TRPM1: variants seen among roughly 807,000 people sequenced by gnomAD.
TRPM1 encodes the protein transient receptor potential cation channel subfamily M member 1.
TRPM1 carries 113 observed loss-of-function variants against 149.4 expected under a neutral mutation model. The ratio of observed to expected loss-of-function variants is 0.76; its 90% CI spans 0.65 to 0.88. The LOEUF (loss-of-function observed/expected upper bound fraction) is 0.88, where lower values mean the gene tolerates loss of function less well. Among genes scored for constraint, TRPM1 ranks in the 40% least tolerant of loss-of-function variants. The probability of loss-of-function intolerance (pLI) is 0.00; values close to 1 mark genes in which losing one functional copy is unlikely to be tolerated. For missense variants in TRPM1, 1,976 were observed against 2,038.7 expected (o/e 0.97, Z 0.59); for synonymous variants, 741 against 759.5 (o/e 0.98, Z 0.40).
intron 1 of TRPM1, among the ~76,000 whole-genome samples, chr15:31,123,522 T>C (rs2141035795): frequency 6.6e-6 from 1 of 152,240 alleles, no homozygotes; most frequent in South Asian, 2.1e-4. Flanking sequence ...GGCAAAAGAT[T>C]TGGACACCTC....
chr15:31,105,456 TGTGTGTGTGTGTGTGTGCGCGC>T (rs1361942646), upstream of TRPM1, among the ~76,000 whole-genome samples: 1 of 47,946 alleles, frequency 2.1e-5, no homozygotes, highest in Admixed American at 1.8e-4. Context: ...TGTGTGTGTG[TGTGTGTGTGTGTGTGTGCGCGC>T]GCGCGCGCGT....
Position 31,041,312 on chromosome 15 carries a change from G to A in TRPM1, c.2087+639C>T, listed in dbSNP as rs140718829. 9.2e-5 allele frequency among the ~76,000 whole-genome samples: 14 copies of A among 152,176 alleles called. No individual in the cohort carries two copies. The East Asian group carries it at 2.7e-3, about 29-fold the overall frequency. On this transcript the variant is annotated intron_variant, in intron 17 of 27. Transcript: ENST00000256552. Reference sequence around the variant, plus strand: ...TGGGACTACAGGCGCCCGCCACTACGCCGGGCTAAAATATATTTTAGTAGA... The same window carrying A: ...TGGGACTACAGGCGCCCGCCACTACACCGGGCTAAAATATATTTTAGTAGA...
At chr15:31,050,301 C>A in intron 12 of TRPM1, 108 bp downstream of exon 12, 1 of 1,530,358 alleles carries the variant, frequency 6.5e-7, no homozygotes, top group Non-Finnish European at 9.0e-7. Flanking sequence ...CTTTACCCGT[C>A]CCTCCTGGGA....
At chr15:31,032,334 G>A (rs952019122) in intron 22 of TRPM1, among the ~76,000 whole-genome samples, 10 of 152,002 alleles carry the variant, frequency 6.6e-5, no homozygotes, top group Admixed American at 1.3e-4. Context: ...TTGAGATATG[G>A]TATGGAAGAA....
intron 27 of TRPM1, among the ~76,000 whole-genome samples, chr15:31,022,767 C>CA (rs1397495622): frequency 4.6e-5 from 7 of 152,024 alleles, no homozygotes; most frequent in Non-Finnish European, 1.0e-4. Context: ...TCCATTCGTT[C>CA]AAAAAAATCT....
In TRPM1 at chr15:31,158,971, C is replaced by T. The variant is rs1056221285; in HGVS notation, c.54+1935G>A. Among the ~76,000 whole-genome samples, 48 of 152,044 alleles carry T rather than the reference C, an allele frequency of 3.2e-4. 1 individual carries two copies. ...GTAAACATCTAGAGACGAGGAATGCCTAACTTTCTGAGAATGCAGCCCAGC... is the reference window on the plus strand; with the variant it reads ...GTAAACATCTAGAGACGAGGAATGCTTAACTTTCTGAGAATGCAGCCCAGC... On this transcript the variant is annotated intron_variant, in intron 1 of 26. Transcript: ENST00000542188.
chr15:31,061,077 G>A (rs60378025), intron 10 of TRPM1, among the ~76,000 whole-genome samples: 66 of 152,332 alleles, frequency 4.3e-4, no homozygotes, highest in African/African-American at 1.6e-3. Flanking sequence ...GGCCATGAAC[G>A]CTGGCCTGAA....
chr15:31,150,892 A>T (rs1161232021), intron 1 of TRPM1, among the ~76,000 whole-genome samples: 1 of 152,168 alleles, frequency 6.6e-6, no homozygotes, highest in Non-Finnish European at 1.5e-5. Flanking sequence ...CCCCTGACAC[A>T]TGCGCAGTAA....
intron 1 of TRPM1, among the ~76,000 whole-genome samples, chr15:31,140,378 A>T (rs1048339626): frequency 1.0e-5 from 1 of 99,666 alleles, no homozygotes; most frequent in Non-Finnish European, 2.1e-5. Flanking sequence ...GAATCCGTCT[A>T]AAAAAAAAAA....
intron 3 of TRPM1, among the ~76,000 whole-genome samples, chr15:31,072,047 A>AGG (rs2140970893): frequency 2.2e-5 from 3 of 138,680 alleles, no homozygotes; most frequent in South Asian, 4.5e-4. Flanking sequence ...AGAGAGAGAG[A>AGG]GAGATTAAAT....
chr15:31,007,024 G>T (rs181039139), intron 27 of TRPM1, among the ~76,000 whole-genome samples: 2 of 152,146 alleles, frequency 1.3e-5, no homozygotes, highest in African/African-American at 4.8e-5. Flanking sequence ...AAAGTCTTTT[G>T]TCAGATATAT....
intron 1 of TRPM1, among the ~76,000 whole-genome samples, chr15:31,091,832 A>AC (rs2058859490): frequency 6.6e-6 from 1 of 152,174 alleles, no homozygotes; most frequent in South Asian, 2.1e-4. Context: ...TTATGGGAAA[A>AC]CAAAACAAAA....
chr15:31,154,714 G>C (rs529705052), intron 1 of TRPM1, among the ~76,000 whole-genome samples: 1 of 152,164 alleles, frequency 6.6e-6, no homozygotes, highest in Non-Finnish European at 1.5e-5. Context: ...GAGGCTACAA[G>C]ATTCTGACCC....
At chr15:31,014,827 T>C (rs1446852204) in intron 27 of TRPM1, among the ~76,000 whole-genome samples, 2 of 152,146 alleles carry the variant, frequency 1.3e-5, no homozygotes, top group Non-Finnish European at 2.9e-5. Flanking sequence ...CCTCTCACTA[T>C]CTCCCTGATA....
intron 27 of TRPM1, among the ~76,000 whole-genome samples, 187 bp from the exon 28 acceptor site, chr15:31,003,257 A>C (rs1435816971): frequency 2.0e-5 from 3 of 152,236 alleles, no homozygotes. Flanking sequence ...CCAGAAAATA[A>C]TGGAAATAAA....
intron 1 of TRPM1, among the ~76,000 whole-genome samples, chr15:31,134,756 C>T (rs11853276): frequency 0.29 from 44,538 of 152,172 alleles, 6,621 homozygotes; most frequent in South Asian, 0.32. Context: ...AATCCCAGCA[C>T]TTTGGGAGGC....
At chr15:31,078,087 G>A (rs531406697) in intron 2 of TRPM1, among the ~76,000 whole-genome samples, 2 of 152,240 alleles carry the variant, frequency 1.3e-5, no homozygotes, top group South Asian at 2.1e-4. Context: ...CATGGCCGGC[G>A]GGAGCCTTGT....
intron 14 of TRPM1, 130 bp from the exon 15 acceptor site, chr15:31,047,381 G>A (rs1169273718): frequency 4.0e-6 from 4 of 990,202 alleles, no homozygotes; most frequent in South Asian, 2.8e-5. Context: ...GTGGGTGGGG[G>A]ATTAAACAAT....
intron 16 of TRPM1, among the ~76,000 whole-genome samples, chr15:31,044,780 CA>C (rs58619377): frequency 0.21 from 14,829 of 69,514 alleles, 911 homozygotes; most frequent in African/African-American, 0.38. Context: ...GACTCCTACT[CA>C]AAAAAAAAAA....
Sources: gnomAD v4.1 joint callset for allele counts (sites outside exome capture counted in the v4.1 genomes callset) on GRCh38, gnomAD v4.1.1 for gene constraint, MANE v1.5 for transcripts, NCBI Gene and HGNC (gene_info 2026-07-23, HGNC 2026-07-21) for gene names.